The following EYS variants were observed in gnomAD, a reference collection of about 807,000 sequenced individuals.
EYS encodes EGF-like photoreceptor maintenance factor, also known as protein eyes shut homolog.
A neutral mutation model predicts 282.1 loss-of-function variants in EYS; 250 were observed. The observed-to-expected ratio is 0.89, with a 90% CI of 0.80 to 0.98. The LOEUF (loss-of-function observed/expected upper bound fraction) is 0.98. Among genes scored for constraint, EYS ranks in the 50% least tolerant of loss-of-function variants. The pLI is 0.00. For synonymous variants in EYS, 1,355 were observed against 1,282.9 expected (o/e 1.06, Z -1.20); for missense variants, 4,016 against 3,709.0 (o/e 1.08, Z -2.15).
chr6:64,650,804 C>T (rs1768529163), intron 22 of EYS, among the ~76,000 whole-genome samples: 1 of 151,910 alleles, frequency 6.6e-6, no homozygotes, highest in African/African-American at 2.4e-5. Flanking sequence ...CCTAGAGTAA[C>T]CTGATATTAA....
At chr6:65,415,273 G>C (rs530339912) in intron 5 of EYS, among the ~76,000 whole-genome samples, 1 of 152,006 alleles carries the variant, frequency 6.6e-6, no homozygotes, top group African/African-American at 2.4e-5. Flanking sequence ...GTAGAATCAA[G>C]ATTTCACCTG....
chr6:65,511,241 A>C (rs967336575), intron 2 of EYS, among the ~76,000 whole-genome samples: 1 of 152,178 alleles, frequency 6.6e-6, no homozygotes, highest in East Asian at 1.9e-4. Context: ...CTTTTCATCT[A>C]CTAGGGAGAA....
Position 65,140,927 on chromosome 6 carries a change from A to G in EYS, c.2024-83200T>C, listed in dbSNP as rs1007918902. ...AACTAGTTCAACCATTGTGGAAGTC[A>G]GTGTGGCGATTCCTCAGGGATCTAG... On this transcript the variant is annotated intron_variant, in intron 12 of 42. Transcript: ENST00000503581. 2.7e-5 allele frequency among the ~76,000 whole-genome samples: 4 copies of G among 150,670 alleles called. No individual in the cohort carries two copies. In the East Asian group the frequency reaches 7.8e-4, roughly 30 times the overall value.
intron 13 of EYS, among the ~76,000 whole-genome samples, chr6:65,019,976 T>C (rs1772196806): frequency 6.6e-6 from 1 of 152,088 alleles, no homozygotes. Context: ...ACTCAGTCAC[T>C]ATCATGAGAA....
At chr6:65,387,349 C>T (rs1159794481) in intron 7 of EYS, among the ~76,000 whole-genome samples, 1 of 151,612 alleles carries the variant, frequency 6.6e-6, no homozygotes, top group African/African-American at 2.4e-5. Context: ...TACAGAACTA[C>T]TAGTATTTAT....
intron 10 of EYS, among the ~76,000 whole-genome samples, chr6:65,343,095 G>A (rs1233777523): frequency 2.0e-5 from 3 of 151,080 alleles, no homozygotes; most frequent in Admixed American, 6.6e-5. Context: ...TTTATGACTT[G>A]TAAACATATA....
rs373441420 is a variant in EYS, at chr6:64,813,377, C to A, written c.3443+1G>T. The A allele has an allele frequency of 4.3e-5, 66 of 1,538,648 alleles. No individual in the cohort carries two copies. The African/African-American group carries it at 5.7e-4, about 13-fold the overall frequency. ...TTACTTGTGGGTAAATAAATACTGA[C>A]CTGCAGTCAAAAGTATGTCCAGGCC... On this transcript the variant is annotated splice_donor_variant, in intron 22 of 42. Coordinates refer to ENST00000503581, the MANE Select transcript of EYS (RefSeq NM_001142800.2). LOFTEE classifies it high-confidence loss of function.
At chr6:65,162,151 C>T (rs1203358794) in intron 12 of EYS, among the ~76,000 whole-genome samples, 1 of 151,082 alleles carries the variant, frequency 6.6e-6, no homozygotes, top group Non-Finnish European at 1.5e-5. Flanking sequence ...AGCCAGTTAC[C>T]AAGTGTATTT....
intron 14 of EYS, among the ~76,000 whole-genome samples, chr6:64,983,167 C>A (rs1770737808): frequency 6.6e-6 from 1 of 151,138 alleles, no homozygotes; most frequent in South Asian, 2.1e-4. Context: ...TAGAGTACCA[C>A]TGAATAGGAA....
chr6:65,010,788 A>G (rs1256798869), intron 13 of EYS, among the ~76,000 whole-genome samples: 2 of 152,238 alleles, frequency 1.3e-5, no homozygotes, highest in Non-Finnish European at 2.9e-5. Flanking sequence ...CTCCATGCCC[A>G]TGCAGCAATA....
intron 13 of EYS, among the ~76,000 whole-genome samples, chr6:65,031,226 A>G (rs895201939): frequency 6.6e-6 from 1 of 151,288 alleles, no homozygotes; most frequent in Admixed American, 6.6e-5. Context: ...ACCCAGGTTC[A>G]TAAAACAAGT....
chr6:64,825,124 A>G (rs1195715133), intron 19 of EYS, among the ~76,000 whole-genome samples: 1 of 151,914 alleles, frequency 6.6e-6, no homozygotes, highest in Non-Finnish European at 1.5e-5. Flanking sequence ...TTCCTAAAAG[A>G]CCTTTGTACT....
At chr6:65,160,749 A>T (rs925970530) in intron 12 of EYS, among the ~76,000 whole-genome samples, 3 of 150,960 alleles carry the variant, frequency 2.0e-5, no homozygotes, top group African/African-American at 7.3e-5. Context: ...CTAGCCAAGA[A>T]TTCTCTGATA....
At chr6:65,323,452 G>T (rs535321009) in intron 11 of EYS, among the ~76,000 whole-genome samples, 53 of 152,196 alleles carry the variant, frequency 3.5e-4, no homozygotes, top group African/African-American at 1.3e-3. Context: ...CTTACATCTC[G>T]GTCTTTGAGC....
chr6:65,332,939 AATT>A (rs1281075473), intron 11 of EYS, among the ~76,000 whole-genome samples: 1 of 151,032 alleles, frequency 6.6e-6, no homozygotes, highest in Non-Finnish European at 1.5e-5. Flanking sequence ...ATTTCTTTAT[AATT>A]ATTTTTCTTT....
chr6:64,975,981 T>C, intron 14 of EYS, among the ~76,000 whole-genome samples: 1 of 151,912 alleles, frequency 6.6e-6, no homozygotes, highest in East Asian at 1.9e-4. Context: ...GAGAAATAGC[T>C]GCAGTAAGTT....
intron 19 of EYS, among the ~76,000 whole-genome samples, chr6:64,847,943 T>A (rs1157304877): frequency 1.3e-5 from 2 of 152,090 alleles, no homozygotes; most frequent in African/African-American, 4.8e-5. Flanking sequence ...CTTCTCCAAT[T>A]GTGACAATGT....
In EYS at chr6:65,648,803, G is replaced by A. The variant is rs146907606; in HGVS notation, c.-447-8911C>T. On this transcript the variant is annotated intron_variant, in intron 1 of 42. Coordinates refer to ENST00000503581, the MANE Select transcript of EYS (RefSeq NM_001142800.2). ...TAACTGAAATTGGTGGCTGAACAAC[G>A]CACTATTCCACCTAGGCTTTTACAC... 5.3e-3 allele frequency among the ~76,000 whole-genome samples: 799 copies of A among 152,070 alleles called. 23 individuals are homozygous for A. The East Asian group carries it at 0.055, about 10-fold the overall frequency.
chr6:65,401,296 A>T (rs1766484344), intron 7 of EYS, among the ~76,000 whole-genome samples: 1 of 151,668 alleles, frequency 6.6e-6, no homozygotes, highest in African/African-American at 2.4e-5. Flanking sequence ...TCAACTTCAT[A>T]CTTAATTAAT....
Sources: gnomAD v4.1 joint callset for allele counts (sites outside exome capture counted in the v4.1 genomes callset) on GRCh38, gnomAD v4.1.1 for gene constraint, MANE v1.5 for transcripts, NCBI Gene and HGNC (gene_info 2026-07-23, HGNC 2026-07-21) for gene names.